Variants in LHX8 observed in about 807,000 individuals in gnomAD.
The protein encoded by LHX8 is LIM/homeobox protein Lhx8.
In LHX8, 12 loss-of-function variants were observed where a neutral mutation model predicts 40.3. The observed-to-expected ratio is 0.30, with a 90% confidence interval of 0.19 to 0.48. The LOEUF (loss-of-function observed/expected upper bound fraction) is 0.48. Ranked by LOEUF, LHX8 falls within the 20% of genes least tolerant of loss-of-function variation. The probability of loss-of-function intolerance (pLI) is 0.99; values close to 1 mark genes in which losing one functional copy is unlikely to be tolerated. For missense variants in LHX8, 344 were observed against 433.7 expected (o/e 0.79, Z 1.84); for synonymous variants, 179 against 162.0 (o/e 1.10, Z -0.80).
At chr1:75,160,781 C>T in intron 8 of LHX8, 38 bp from the exon 9 acceptor site, 1 of 1,395,880 alleles carries the variant, frequency 7.2e-7, no homozygotes, top group Non-Finnish European at 1.0e-6. Context: ...TTTATGCACC[C>T]TACAAAACTG....
chr1:75,178,866 C>T, the LHX8 span, among the ~76,000 whole-genome samples: 4 of 152,144 alleles, frequency 2.6e-5, no homozygotes, highest in African/African-American at 9.7e-5. Flanking sequence ...GATTCTGATA[C>T]ATTGTGTCTT....
chr1:75,161,090 T>G lies in LHX8; in HGVS notation c.*195T>G, dbSNP rs187614610. The G allele has an allele frequency of 7.0e-6, 4 of 573,236 alleles. No individual in the cohort carries two copies. The East Asian group carries it at 1.2e-4, about 17-fold the overall frequency. 35.5% of individuals were successfully genotyped at this position (573,236 alleles called of 1,614,324 possible). A position where few individuals can be genotyped will look rare whatever the true frequency, so the allele number is the denominator to read the frequency against. ...TTAATTCTTCATTTTTTGTAAAACT[T>G]ATGTTTACAAGAAGAAAACAAATCA... On this transcript the variant is annotated 3_prime_UTR_variant, in exon 9 of 9. Transcript: ENST00000356261.
At chr1:75,138,866 C>T (rs1648226879) in intron 3 of LHX8, among the ~76,000 whole-genome samples, 1 of 152,058 alleles carries the variant, frequency 6.6e-6, no homozygotes, top group African/African-American at 2.4e-5. Context: ...TGTAATAGGG[C>T]AGGAGTCCTC....
chr1:75,140,665 A>G (rs1003074812), intron 3 of LHX8, among the ~76,000 whole-genome samples: 2 of 152,218 alleles, frequency 1.3e-5, no homozygotes, highest in African/African-American at 2.4e-5. Flanking sequence ...AAAGTAACCA[A>G]ACTATTCCCT....
At position 75,146,738 on chromosome 1, in the gene LHX8, A is replaced by C. The variant is rs919828780; in HGVS notation, c.685-1849A>C. Among the ~76,000 whole-genome samples, 3 of 152,168 alleles carry C rather than the reference A, an allele frequency of 2.0e-5. No individual in the cohort carries two copies. In the East Asian group the frequency reaches 5.8e-4, roughly 29 times the overall value. ...GTGTGTGAGACTAATCATTGATACTATTGAAAGGAAGAACAATCAACTCAT... is the reference window on the plus strand; with the variant it reads ...GTGTGTGAGACTAATCATTGATACTCTTGAAAGGAAGAACAATCAACTCAT... On this transcript the variant is annotated intron_variant, in intron 6 of 8. Transcript: ENST00000356261.
At chr1:75,140,059 C>A (rs1375648266) in intron 3 of LHX8, among the ~76,000 whole-genome samples, 1 of 152,202 alleles carries the variant, frequency 6.6e-6, no homozygotes, top group African/African-American at 2.4e-5. Context: ...TGGGAGCCTG[C>A]ATTGCATGCA....
At chr1:75,165,893 G>A (rs1476551173), downstream of LHX8, among the ~76,000 whole-genome samples, 1 of 152,142 alleles carries the variant, frequency 6.6e-6, no homozygotes, top group Non-Finnish European at 1.5e-5. Flanking sequence ...GGAGACAGCT[G>A]GATTTTGACA....
chr1:75,135,066 G>A, intron 1 of LHX8, 112 bp downstream of exon 1: 1 of 324,784 alleles, frequency 3.1e-6, no homozygotes, highest in Non-Finnish European at 4.4e-6. Context: ...CGTTTCGTTC[G>A]GCTGCCCGCG....
At chr1:75,199,232 AT>A in the LHX8 span, among the ~76,000 whole-genome samples, 2 of 152,086 alleles carry the variant, frequency 1.3e-5, no homozygotes, top group Non-Finnish European at 2.9e-5. Context: ...CCCACTAGAG[AT>A]TTTTGTGCTT....
chr1:75,175,996 T>C, the LHX8 span, among the ~76,000 whole-genome samples: 1 of 152,350 alleles, frequency 6.6e-6, no homozygotes, highest in East Asian at 1.9e-4. Flanking sequence ...ACAAAGGACA[T>C]GAACTCATCC....
upstream of LHX8, chr1:75,132,052 C>T (rs1647988596): frequency 6.6e-6 from 1 of 152,010 alleles, no homozygotes; most frequent in African/African-American, 2.4e-5. Flanking sequence ...TAAGACCAAA[C>T]AAACAAACAA....
the LHX8 span, among the ~76,000 whole-genome samples, chr1:75,182,275 T>G: frequency 6.6e-6 from 1 of 152,142 alleles, no homozygotes; most frequent in Middle Eastern, 3.2e-3. Context: ...CCACTTTATG[T>G]TTTTGTTTGC....
At chr1:75,185,641 A>C in the LHX8 span, among the ~76,000 whole-genome samples, 1 of 152,216 alleles carries the variant, frequency 6.6e-6, no homozygotes, top group African/African-American at 2.4e-5. Flanking sequence ...GTGCAAGACA[A>C]GTATGCCCTC....
chr1:75,171,514 A>G, the LHX8 span, among the ~76,000 whole-genome samples: 1 of 152,054 alleles, frequency 6.6e-6, no homozygotes, highest in African/African-American at 2.4e-5. Flanking sequence ...GAAGGGCCCA[A>G]TATACTCGGT....
At chr1:75,191,131 C>T in the LHX8 span, among the ~76,000 whole-genome samples, 2 of 151,932 alleles carry the variant, frequency 1.3e-5, no homozygotes, top group South Asian at 2.1e-4. Flanking sequence ...CTTCCCCTGA[C>T]ACTCCTCTGG....
chr1:75,151,341 G>A (rs905527254), intron 7 of LHX8, among the ~76,000 whole-genome samples: 4 of 152,094 alleles, frequency 2.6e-5, no homozygotes, highest in African/African-American at 9.7e-5. Flanking sequence ...TTATTTCAGA[G>A]TGCCAAATTT....
the LHX8 span, among the ~76,000 whole-genome samples, chr1:75,191,759 A>G: frequency 6.6e-6 from 1 of 152,224 alleles, no homozygotes; most frequent in African/African-American, 2.4e-5. Context: ...AAGAATATTA[A>G]AAAGGATATG....
chr1:75,160,480 T>TACA (rs1648888467), intron 8 of LHX8: 1 of 324,968 alleles, frequency 3.1e-6, no homozygotes, highest in African/African-American at 2.1e-5. Context: ...GATCATCCTA[T>TACA]ACAAACACCT....
At chr1:75,157,721 A>G (rs1422933727) in intron 8 of LHX8, among the ~76,000 whole-genome samples, 1 of 152,190 alleles carries the variant, frequency 6.6e-6, no homozygotes, top group African/African-American at 2.4e-5. Context: ...ACATTGTGAG[A>G]TTCACCTATA....
Sources: gnomAD v4.1 joint callset for allele counts (sites outside exome capture counted in the v4.1 genomes callset) on GRCh38, gnomAD v4.1.1 for gene constraint, MANE v1.5 for transcripts, NCBI Gene and HGNC (gene_info 2026-07-23, HGNC 2026-07-21) for gene names.